Variants in TANC2 observed in about 807,000 individuals in gnomAD.
The protein encoded by TANC2 is protein TANC2.
TANC2 carries 26 observed loss-of-function variants against 210.5 expected under a neutral mutation model. The ratio of observed to expected loss-of-function variants is 0.12; its 90% CI spans 0.09 to 0.17. The LOEUF is 0.17. Ranked by LOEUF, TANC2 falls within the 10% of genes least tolerant of loss-of-function variation. TANC2 has a pLI of 1.00. For synonymous variants in TANC2, 931 were observed against 967.1 expected (o/e 0.96, Z 0.69); for missense variants, 2,129 against 2,608.9 (o/e 0.82, Z 4.01).
intron 7 of TANC2, among the ~76,000 whole-genome samples, chr17:63,215,073 T>G (rs898797611): frequency 6.6e-6 from 1 of 152,124 alleles, no homozygotes; most frequent in Non-Finnish European, 1.5e-5. Context: ...GAACAAAAAA[T>G]GTCAAAATAG....
At chr17:63,144,046 AAGTC>A (rs1379284950) in intron 4 of TANC2, among the ~76,000 whole-genome samples, 2 of 152,118 alleles carry the variant, frequency 1.3e-5, no homozygotes, top group African/African-American at 4.8e-5. Flanking sequence ...AATAGACTCA[AAGTC>A]AGAATATTTT....
chr17:63,410,826 A>T (rs557858825), intron 21 of TANC2, among the ~76,000 whole-genome samples: 11 of 127,836 alleles, frequency 8.6e-5, no homozygotes, highest in African/African-American at 3.4e-4. Context: ...GGGCCACTGC[A>T]CTCCAGCCAG....
chr17:63,151,319 C>T (rs1328249543), exon 5 of TANC2: 5 of 985,770 alleles, frequency 5.1e-6, no homozygotes, highest in Non-Finnish European at 6.0e-6. Context: ...TTCCAGAATC[C>T]GAGCTTGGCT....
At chr17:63,055,873 A>C (rs1179351043) in intron 2 of TANC2, among the ~76,000 whole-genome samples, 2 of 146,914 alleles carry the variant, frequency 1.4e-5, no homozygotes, top group Non-Finnish European at 3.0e-5. Flanking sequence ...GGCCAGGTGC[A>C]GTGCTTACGC....
At chr17:63,236,193 C>T (rs2042615171) in intron 7 of TANC2, among the ~76,000 whole-genome samples, 1 of 152,064 alleles carries the variant, frequency 6.6e-6, no homozygotes, top group African/African-American at 2.4e-5. Context: ...CGCTGAGGCT[C>T]TCCAGCAGTC....
At chr17:63,055,413 C>CA (rs11373483) in intron 2 of TANC2, among the ~76,000 whole-genome samples, 90,829 of 151,836 alleles carry the variant, frequency 0.6, 29,742 homozygotes, top group African/African-American at 0.87. Context: ...AAAAAAACAG[C>CA]AGTATTCTCT....
chr17:63,188,235 G>T (rs1013992772), intron 5 of TANC2, among the ~76,000 whole-genome samples: 4 of 151,596 alleles, frequency 2.6e-5, no homozygotes, highest in Admixed American at 2.6e-4. Context: ...TGCTGAGTTT[G>T]AGAGGACCAC....
chr17:63,081,753 A>T (rs533160579), intron 3 of TANC2, among the ~76,000 whole-genome samples: 52 of 152,374 alleles, frequency 3.4e-4, no homozygotes, highest in African/African-American at 1.2e-3. Context: ...GTATCAGAAC[A>T]TATTAAATAG....
At chr17:63,020,198 G>A (rs541572484) in intron 2 of TANC2, among the ~76,000 whole-genome samples, 5 of 152,358 alleles carry the variant, frequency 3.3e-5, no homozygotes, top group Admixed American at 6.5e-5. Context: ...AAAGTGCTTG[G>A]ATTACAGGTG....
intron 4 of TANC2, among the ~76,000 whole-genome samples, chr17:63,147,017 C>T (rs543647060): frequency 4.6e-5 from 7 of 152,068 alleles, no homozygotes; most frequent in East Asian, 1.9e-4. Context: ...AGAGTTAAAT[C>T]GGTAAAAGAA....
chr17:63,333,983 C>T (rs2045944445), intron 11 of TANC2: 1 of 152,174 alleles, frequency 6.6e-6, no homozygotes, highest in African/African-American at 2.4e-5. Context: ...GTAAACATAA[C>T]TTTTATATGC....
intron 2 of TANC2, among the ~76,000 whole-genome samples, chr17:63,036,888 C>T (rs752057842): frequency 3.4e-5 from 5 of 145,590 alleles, no homozygotes; most frequent in African/African-American, 5.1e-5. Flanking sequence ...ATAGTGCCCT[C>T]TTGTCCAGAG....
At chr17:62,976,774 G>T (rs971999048) in intron 1 of TANC2, among the ~76,000 whole-genome samples, 4 of 152,038 alleles carry the variant, frequency 2.6e-5, no homozygotes, top group Admixed American at 2.0e-4. Flanking sequence ...ACTTGCCCTG[G>T]CATGCTTATA....
intron 2 of TANC2, among the ~76,000 whole-genome samples, chr17:63,067,274 C>T (rs1287434079): frequency 6.6e-6 from 1 of 152,018 alleles, no homozygotes; most frequent in Non-Finnish European, 1.5e-5. Context: ...GATACCAACT[C>T]CAAGAGATGA....
chr17:63,379,721 T>A, exon 15 of TANC2: 2 of 1,594,982 alleles, frequency 1.3e-6, no homozygotes, highest in South Asian at 2.3e-5. Flanking sequence ...TTTGCAGGAG[T>A]GGTCACACGT....
At position 63,412,597 on chromosome 17, in the gene TANC2, CT is replaced by C; in HGVS notation, c.3899-78del. 5 of 1,356,118 alleles carry C rather than the reference CT, an allele frequency of 3.7e-6. No homozygotes were observed. Among genetic ancestry groups the C allele is most frequent in the Non-Finnish European group, 5.1e-6 (5 of 987,312 alleles). 84.0% of individuals were successfully genotyped at this position (1,356,118 alleles called of 1,614,324 possible). A position where few individuals can be genotyped will look rare whatever the true frequency, so the allele number is the denominator to read the frequency against. ...TTGTGCTGCCTGCCTCTCACTGCTG[CT>C]TTTTCCTTCTTTTTTTTTTTTTCAC... On this transcript the variant is annotated intron_variant, in intron 23 of 27. Coordinates refer to ENST00000689528, the Ensembl canonical transcript of TANC2. The surrounding 1 kb of genome is among the most constrained non-coding windows in gnomAD (Gnocchi z 4.2).
intron 4 of TANC2, among the ~76,000 whole-genome samples, chr17:63,127,290 C>T (rs1318468051): frequency 2.0e-5 from 3 of 152,108 alleles, no homozygotes; most frequent in Admixed American, 6.5e-5. Context: ...AATGATATTT[C>T]ATTTGTTTAT....
chr17:63,098,162 G>A (rs1350189395), intron 3 of TANC2, among the ~76,000 whole-genome samples: 2 of 152,044 alleles, frequency 1.3e-5, no homozygotes, highest in South Asian at 2.1e-4. Flanking sequence ...AGGGCTAGAT[G>A]CTGTATGTGA....
At chr17:63,332,003 G>T (rs570753573) in intron 11 of TANC2, 2 of 280,112 alleles carry the variant, frequency 7.1e-6, no homozygotes, top group South Asian at 4.4e-5. Flanking sequence ...CAAGATCTTC[G>T]ATGCTGTCAT....
Sources: gnomAD v4.1 joint callset for allele counts (sites outside exome capture counted in the v4.1 genomes callset) on GRCh38, gnomAD v4.1.1 for gene constraint, Gnocchi (gnomAD v3.1) non-coding constraint, MANE v1.5 for transcripts, NCBI Gene and HGNC (gene_info 2026-07-23, HGNC 2026-07-21) for gene names.